The following EYS variants were observed in gnomAD, a reference collection of about 807,000 sequenced individuals.
EYS encodes the protein protein eyes shut homolog.
In EYS, 250 loss-of-function variants were observed where a neutral mutation model predicts 282.1. The ratio of observed to expected loss-of-function variants is 0.89; its 90% CI spans 0.80 to 0.98. The LOEUF is 0.98. EYS is among the 50% of genes least tolerant of loss of function. The pLI, the probability that EYS is intolerant of heterozygous loss-of-function variation, is 0.00. For missense variants in EYS, 4,016 were observed against 3,709.0 expected (o/e 1.08, Z -2.15); for synonymous variants, 1,355 against 1,282.9 (o/e 1.06, Z -1.20).
chr6:64,215,376 G>C (rs1765899453), intron 31 of EYS, among the ~76,000 whole-genome samples: 1 of 152,006 alleles, frequency 6.6e-6, no homozygotes, highest in African/African-American at 2.4e-5. Context: ...ATTTACAAAA[G>C]AAGCGAAGGG....
intron 19 of EYS, among the ~76,000 whole-genome samples, chr6:64,877,279 C>T (rs976428851): frequency 6.6e-6 from 1 of 152,000 alleles, no homozygotes; most frequent in Non-Finnish European, 1.5e-5. Flanking sequence ...GGAATAAATC[C>T]TCAGTACTAA....
intron 21 of EYS, among the ~76,000 whole-genome samples, chr6:64,816,667 T>C (rs1764749006): frequency 6.6e-6 from 1 of 152,088 alleles, no homozygotes; most frequent in Non-Finnish European, 1.5e-5. Context: ...TAAGTAATAA[T>C]CACATTTTGT....
chr6:65,540,371 C>T (rs528704841), intron 2 of EYS, among the ~76,000 whole-genome samples: 3 of 152,236 alleles, frequency 2.0e-5, no homozygotes, highest in African/African-American at 7.2e-5. Context: ...TGCTTTAGAA[C>T]CTCTTCAGCA....
At chr6:65,409,276 G>C (rs552921902) in intron 5 of EYS, among the ~76,000 whole-genome samples, 1 of 152,230 alleles carries the variant, frequency 6.6e-6, no homozygotes, top group Non-Finnish European at 1.5e-5. Flanking sequence ...TGCAAATAGA[G>C]TTAACAAACT....
chr6:64,267,638 A>G (rs1258874564), intron 30 of EYS, among the ~76,000 whole-genome samples: 4 of 152,182 alleles, frequency 2.6e-5, no homozygotes, highest in African/African-American at 9.6e-5. Flanking sequence ...ACTTGAAACT[A>G]GTAACAAAAT....
intron 26 of EYS, among the ~76,000 whole-genome samples, chr6:64,588,710 T>A (rs1237211041): frequency 6.6e-6 from 1 of 152,044 alleles, no homozygotes; most frequent in Non-Finnish European, 1.5e-5. Context: ...ATTACCATAT[T>A]AAACTCTCCC....
intron 33 of EYS, among the ~76,000 whole-genome samples, chr6:64,009,848 A>C (rs1261605778): frequency 6.6e-6 from 1 of 152,042 alleles, no homozygotes. Flanking sequence ...TTTCTCATCT[A>C]TATGGGTTGA....
At chr6:64,693,896 T>C (rs1931848) in intron 22 of EYS, among the ~76,000 whole-genome samples, 98,312 of 151,968 alleles carry the variant, frequency 0.65, 33,761 homozygotes, top group Middle Eastern at 0.78. Context: ...ATATATTTGT[T>C]CACATATATG....
intron 2 of EYS, among the ~76,000 whole-genome samples, chr6:65,624,001 T>C (rs1766612429): frequency 1.3e-5 from 2 of 152,178 alleles, no homozygotes; most frequent in Admixed American, 1.3e-4. Context: ...AAGTATATGA[T>C]AGATGGATGG....
intron 22 of EYS, among the ~76,000 whole-genome samples, chr6:64,726,659 T>G (rs987842337): frequency 6.6e-6 from 1 of 152,186 alleles, no homozygotes; most frequent in Non-Finnish European, 1.5e-5. Flanking sequence ...AAAAGTCTTT[T>G]TGTAGAATTC....
At chr6:64,982,372 C>T (rs140179746) in intron 14 of EYS, among the ~76,000 whole-genome samples, 2 of 151,430 alleles carry the variant, frequency 1.3e-5, no homozygotes, top group Non-Finnish European at 3.0e-5. Flanking sequence ...CTTTAGATTA[C>T]TAATAATGCA....
chr6:64,300,682 C>T lies in EYS; in HGVS notation c.6191+6288G>A, dbSNP rs144271077. Among the ~76,000 whole-genome samples the T allele has an allele frequency of 7.8e-3, 1,190 of 152,278 alleles. 10 individuals are homozygous for T. The highest frequency in any genetic ancestry group is 0.013 in the Non-Finnish European group (897 of 68,030). On this transcript the variant is annotated intron_variant, in intron 30 of 42. Transcript: ENST00000503581. ...GTAAATGAAGGTTTTGCATGACCTA[C>T]GTGCTATTAATGCTAATTTGCAACC... is the stretch of plus-strand genomic sequence containing the variant.
chr6:64,386,145 T>C (rs1772901610), intron 29 of EYS, among the ~76,000 whole-genome samples: 1 of 152,178 alleles, frequency 6.6e-6, no homozygotes, highest in African/African-American at 2.4e-5. Context: ...CTAATAGGAA[T>C]GATATTCAGC....
At chr6:65,329,085 C>G (rs1427207850) in intron 11 of EYS, among the ~76,000 whole-genome samples, 1 of 151,096 alleles carries the variant, frequency 6.6e-6, no homozygotes, top group Non-Finnish European at 1.5e-5. Flanking sequence ...TAGTATAAAA[C>G]TATATAACAT....
At position 64,369,301 on chromosome 6, in the gene EYS, A is replaced by T. The variant is rs200122912; in HGVS notation, c.6078+19389T>A. Among the ~76,000 whole-genome samples the T allele has an allele frequency of 9.9e-5, 15 of 152,004 alleles. No homozygotes were observed. The East Asian group carries it at 2.1e-3, about 21-fold the overall frequency. On this transcript the variant is annotated intron_variant, in intron 29 of 42. Transcript: ENST00000503581. ...ATGTGTCTATTTTTATACCACTGCC[A>T]TCTTGTTTTGGTTATTGTAGCCTTG...
intron 35 of EYS, among the ~76,000 whole-genome samples, chr6:63,947,732 C>T (rs570135021): frequency 1.1e-4 from 17 of 152,016 alleles, no homozygotes; most frequent in Non-Finnish European, 2.2e-4. Context: ...GTCCTAATCG[C>T]ATAATAAGCA....
intron 28 of EYS, among the ~76,000 whole-genome samples, chr6:64,407,384 A>G (rs138949126): frequency 6.6e-6 from 1 of 152,286 alleles, no homozygotes; most frequent in Non-Finnish European, 1.5e-5. Flanking sequence ...GCACCATGGC[A>G]CATGTATACC....
intron 22 of EYS, among the ~76,000 whole-genome samples, chr6:64,672,258 A>C (rs1202867979): frequency 1.3e-5 from 2 of 152,212 alleles, no homozygotes; most frequent in Non-Finnish European, 2.9e-5. Flanking sequence ...ATGAAACAGC[A>C]GCCACAGAAC....
At chr6:64,470,169 G>A (rs989804835) in intron 26 of EYS, among the ~76,000 whole-genome samples, 6 of 152,064 alleles carry the variant, frequency 3.9e-5, no homozygotes, top group South Asian at 2.1e-4. Flanking sequence ...GTGGTCCCCC[G>A]GGCCCAGTTG....
Sources: gnomAD v4.1 joint callset for allele counts (sites outside exome capture counted in the v4.1 genomes callset) on GRCh38, gnomAD v4.1.1 for gene constraint, MANE v1.5 for transcripts, NCBI Gene and HGNC (gene_info 2026-07-23, HGNC 2026-07-21) for gene names.